Variants in HS6ST2 observed in about 807,000 individuals in gnomAD.
HS6ST2 encodes heparan-sulfate 6-O-sulfotransferase 2.
HS6ST2 carries 17 observed loss-of-function variants against 33.0 expected under a neutral mutation model. The observed-to-expected ratio is 0.52, with a 90% CI of 0.35 to 0.77. HS6ST2 has a LOEUF of 0.77. HS6ST2 is among the 30% of genes least tolerant of loss of function. The pLI is 0.01. For synonymous variants in HS6ST2, 248 were observed against 237.1 expected (o/e 1.05, Z -0.42); for missense variants, 519 against 551.7 (o/e 0.94, Z 0.59).
chrX:132,911,638 CT>C (rs767104982), intron 2 of HS6ST2, among the ~76,000 whole-genome samples: 1,389 of 91,909 alleles, frequency 0.015, 6 homozygotes, highest in African/African-American at 0.04. Context: ...AGCACACACT[CT>C]TTTTTTTTTT....
In HS6ST2 at chrX:132,629,194, G is replaced by A. The variant is rs2063500715; in HGVS notation, c.1068-101C>T. ...GTGGTGTTCACTGGCTAAAAAGGAA[G>A]GCAAAGCAAAAATGACAGGGATCTG... On this transcript the variant is annotated intron_variant, in intron 4 of 4. Transcript: ENST00000370833. 11 of 923,085 alleles carry A rather than the reference G, an allele frequency of 1.2e-5. No individual in the cohort carries two copies. The Admixed American group carries it at 1.7e-4, about 14-fold the overall frequency. 76.1% of individuals were successfully genotyped at this position (923,085 alleles called of 1,213,427 possible).
intron 2 of HS6ST2, among the ~76,000 whole-genome samples, chrX:132,844,908 G>A (rs1051222944): frequency 2.7e-5 from 3 of 109,404 alleles, no homozygotes; most frequent in African/African-American, 6.6e-5. Flanking sequence ...ACCATACGTC[G>A]TGCTAGATGA....
At chrX:132,675,498 T>C (rs1195678686) in intron 3 of HS6ST2, among the ~76,000 whole-genome samples, 1 of 111,904 alleles carries the variant, frequency 8.9e-6, no homozygotes, top group Non-Finnish European at 1.9e-5. Context: ...AAGGCCTCGT[T>C]CCTGGTGCAG....
intron 2 of HS6ST2, among the ~76,000 whole-genome samples, chrX:132,785,379 A>C (rs759739034): frequency 7.2e-5 from 8 of 111,423 alleles, no homozygotes; most frequent in Non-Finnish European, 1.5e-4. Flanking sequence ...AAAGCATAAA[A>C]TTGCTTTGAA....
intron 2 of HS6ST2, among the ~76,000 whole-genome samples, chrX:132,878,779 T>A (rs746224381): frequency 5.4e-5 from 6 of 111,170 alleles, no homozygotes; most frequent in Non-Finnish European, 7.5e-5. Flanking sequence ...TGTCATAAGG[T>A]ACCACATCCA....
At chrX:132,833,846 G>C (rs933882841) in intron 2 of HS6ST2, among the ~76,000 whole-genome samples, 10 of 108,794 alleles carry the variant, frequency 9.2e-5, no homozygotes, top group African/African-American at 2.4e-4. Context: ...GTATATATGT[G>C]CCACGCTGGT....
intron 3 of HS6ST2, among the ~76,000 whole-genome samples, chrX:132,670,513 G>T (rs2063860487): frequency 8.9e-6 from 1 of 111,957 alleles, no homozygotes; most frequent in Non-Finnish European, 1.9e-5. Flanking sequence ...AAGAGTCAGT[G>T]TCTAGGCTGG....
chrX:132,922,835 G>C (rs745326837), intron 2 of HS6ST2, among the ~76,000 whole-genome samples: 1 of 111,484 alleles, frequency 9.0e-6, no homozygotes, highest in East Asian at 2.8e-4. Flanking sequence ...GGCCTTGGCG[G>C]GTGGATCACT....
At position 132,628,558 on chromosome X, in the gene HS6ST2, A is replaced by G; in HGVS notation, c.1603T>C (p.Phe535Leu). The G allele has an allele frequency of 3.3e-6, 4 of 1,211,084 alleles. No individual in the cohort carries two copies. The highest frequency in any genetic ancestry group is 4.5e-6 in the Non-Finnish European group (4 of 895,245). The part of the protein sequence containing the change: ...MELYSYAKDL[F>L]LQRYQFMRQK... The stretch of plus-strand genomic sequence containing the variant: ...CTCATAAACTGATACCTCTGCAAAA[A>G]AAGGTCTTTGGCATAGCTGTACAAC... Residue 535 changes from phenylalanine (F) to leucine (L), a missense_variant, in exon 5 of 5, where the codon TTT becomes CTT. Coordinates refer to ENST00000370833, the MANE Select transcript of HS6ST2 (RefSeq NM_001394073.1).
At chrX:132,660,500 T>C (rs1043077363) in intron 4 of HS6ST2, among the ~76,000 whole-genome samples, 2 of 111,468 alleles carry the variant, frequency 1.8e-5, no homozygotes, top group African/African-American at 6.5e-5. Context: ...AAAGTATATA[T>C]GATTCTATGA....
intron 2 of HS6ST2, among the ~76,000 whole-genome samples, chrX:132,891,257 T>C (rs1242843698): frequency 1.9e-5 from 2 of 106,114 alleles, no homozygotes; most frequent in African/African-American, 7.0e-5. Context: ...ATTCAGCAAG[T>C]GGGGCAAAAC....
chrX:132,900,455 C>A (rs1472049759), intron 2 of HS6ST2, among the ~76,000 whole-genome samples: 1 of 111,097 alleles, frequency 9.0e-6, no homozygotes, highest in South Asian at 3.9e-4. Flanking sequence ...GTGGCTCATG[C>A]CTATAATCCT....
At chrX:132,669,718 G>C (rs760506453) in intron 3 of HS6ST2, 4 of 99,387 alleles carry the variant, frequency 4.0e-5, no homozygotes, top group African/African-American at 1.4e-4. Flanking sequence ...CGTGAATTCA[G>C]ATATTCTTTC....
At chrX:132,801,606 C>T (rs772017266) in intron 2 of HS6ST2, among the ~76,000 whole-genome samples, 18 of 111,686 alleles carry the variant, frequency 1.6e-4, no homozygotes, top group Non-Finnish European at 3.4e-4. Context: ...TCCTTCCTCC[C>T]TTGGTCCAAC....
At chrX:132,929,219 A>T (rs2066740372) in intron 2 of HS6ST2, among the ~76,000 whole-genome samples, 1 of 111,287 alleles carries the variant, frequency 9.0e-6, no homozygotes, top group Admixed American at 9.6e-5. Flanking sequence ...TAAAAAGCCA[A>T]CCCAGATCAT....
chrX:132,795,885 A>G (rs1369885399), intron 2 of HS6ST2, among the ~76,000 whole-genome samples: 1 of 112,009 alleles, frequency 8.9e-6, no homozygotes, highest in Middle Eastern at 4.2e-3. Flanking sequence ...CTTGGATTAC[A>G]GGCATGCACT....
At chrX:132,935,192 G>A (rs113180609) in intron 2 of HS6ST2, among the ~76,000 whole-genome samples, 2 of 110,170 alleles carry the variant, frequency 1.8e-5, no homozygotes, top group African/African-American at 6.6e-5. Flanking sequence ...TTAAATAATG[G>A]TGGAACAACT....
At chrX:132,934,131 T>C (rs1263694901) in intron 2 of HS6ST2, among the ~76,000 whole-genome samples, 1 of 111,596 alleles carries the variant, frequency 9.0e-6, no homozygotes, top group Non-Finnish European at 1.9e-5. Context: ...CCTTTTCTCA[T>C]AACAAACTTT....
intron 2 of HS6ST2, among the ~76,000 whole-genome samples, chrX:132,789,870 A>G (rs1449400650): frequency 1.8e-5 from 2 of 112,180 alleles, no homozygotes; most frequent in African/African-American, 6.5e-5. Flanking sequence ...CTGGATTGCT[A>G]CAATCTCATG....
Sources: gnomAD v4.1 joint callset for allele counts (sites outside exome capture counted in the v4.1 genomes callset) on GRCh38, gnomAD v4.1.1 for gene constraint, MANE v1.5 for transcripts, NCBI Gene and HGNC (gene_info 2026-07-23, HGNC 2026-07-21) for gene names.